The following PNOC variants were observed in gnomAD, a reference collection of about 807,000 sequenced individuals.
PNOC encodes prepronociceptin.
A neutral mutation model predicts 15.6 loss-of-function variants in PNOC; 10 were observed. The observed-to-expected ratio is 0.64, with a 90% CI of 0.40 to 1.09. PNOC has a LOEUF of 1.09. Ranked by LOEUF, PNOC falls within the 50% of genes least tolerant of loss-of-function variation. The pLI, the probability that PNOC is intolerant of heterozygous loss-of-function variation, is 0.01. For missense variants in PNOC, 220 were observed against 223.9 expected (o/e 0.98, Z 0.11); for synonymous variants, 98 against 88.5 (o/e 1.11, Z -0.60).
chr8:28,342,392 A>T (rs1261066705), intron 3 of PNOC, among the ~76,000 whole-genome samples: 1 of 150,906 alleles, frequency 6.6e-6, no homozygotes, highest in Non-Finnish European at 1.5e-5. Flanking sequence ...CTATTCAGAA[A>T]GTGTAATGAT....
intron 1 of PNOC, among the ~76,000 whole-genome samples, chr8:28,320,106 T>C (rs1462125469): frequency 3.7e-5 from 5 of 133,694 alleles, no homozygotes; most frequent in Non-Finnish European, 6.5e-5. Context: ...TTTTTTTTTT[T>C]TTTTTTTTTT....
At chr8:28,325,860 T>A (rs1284130374) in intron 1 of PNOC, among the ~76,000 whole-genome samples, 1 of 151,902 alleles carries the variant, frequency 6.6e-6, no homozygotes, top group Non-Finnish European at 1.5e-5. Context: ...GGTGACATCA[T>A]CAGATTGGAG....
chr8:28,323,506 C>G (rs757565680), intron 1 of PNOC, among the ~76,000 whole-genome samples: 3 of 152,210 alleles, frequency 2.0e-5, no homozygotes, highest in Non-Finnish European at 4.4e-5. Context: ...AATTTGCACA[C>G]AGTCCCACCG....
chr8:28,339,101 A>G lies in PNOC; in HGVS notation c.188A>G (p.Lys63Arg). 11 of 1,606,612 alleles carry G rather than the reference A, an allele frequency of 6.8e-6. No homozygotes were observed. The highest frequency in any genetic ancestry group is 9.4e-6 in the Non-Finnish European group (11 of 1,173,708). Residue 63 changes from lysine (K) to arginine (R), a missense_variant, in exon 3 of 4, where the codon AAG (lysine) becomes AGG (arginine). Coordinates refer to ENST00000301908, the MANE Select transcript of PNOC (RefSeq NM_006228.5). ...AGCCCCCTCTGGACTCCATGCACCA[A>G]GGTCATGGCCAGGAGCTCTTGGCAG... ...FPSPLWTPCTKVMARSSWQLS... is the reference protein window; with the variant it reads ...FPSPLWTPCTRVMARSSWQLS...
chr8:28,321,206 A>ATTTTTTTTTTT (rs34876674), intron 1 of PNOC, among the ~76,000 whole-genome samples: 2 of 122,792 alleles, frequency 1.6e-5, no homozygotes. Context: ...ACCTAGCTAA[A>ATTTTTTTTTTT]TTTTTTTTTT....
intron 1 of PNOC, among the ~76,000 whole-genome samples, chr8:28,327,570 C>CTT (rs34916912): frequency 7.0e-6 from 1 of 143,028 alleles, no homozygotes; most frequent in Non-Finnish European, 1.5e-5. Context: ...AAATTCTTTT[C>CTT]TTTTTTTTTT....
intron 1 of PNOC, among the ~76,000 whole-genome samples, chr8:28,322,559 C>T (rs535125780): frequency 2.0e-5 from 3 of 152,310 alleles, no homozygotes; most frequent in African/African-American, 7.2e-5. Flanking sequence ...GCTCCTCAAG[C>T]CTCAATCTGC....
chr8:28,329,261 C>T lies in PNOC; in HGVS notation c.104C>T (p.Ala35Val), dbSNP rs764233620. The T allele has an allele frequency of 1.9e-6, 3 of 1,613,700 alleles. No individual in the cohort carries two copies. Among genetic ancestry groups the T allele is most frequent in the Non-Finnish European group, 2.5e-6 (3 of 1,180,038 alleles). ...ACATGCCAGGAGAAGCTCCACCCAG[C>T]CCTGGACAGCTTCGACCTGGAGGTA... is the stretch of plus-strand genomic sequence containing the variant. ...CLTCQEKLHP[A>V]LDSFDLEVCI... The change falls in exon 2 of 4, where the codon GCC (alanine) becomes GTC (valine). Residue 35 changes from alanine (A) to valine (V), a missense_variant. Transcript: ENST00000301908.
At chr8:28,325,408 C>T (rs1801208466) in intron 1 of PNOC, among the ~76,000 whole-genome samples, 1 of 152,042 alleles carries the variant, frequency 6.6e-6, no homozygotes, top group South Asian at 2.1e-4. Flanking sequence ...AATCCCAGCA[C>T]TTTGGGAGGC....
rs550903415 is a variant in PNOC, at chr8:28,338,788, G to A, written c.127-252G>A. ...TATGTTAACGTGCTGTGACACCAGA[G>A]GTAAGTTACGCTCACCTCTCTGAGC... On this transcript the variant is annotated intron_variant, in intron 2 of 3. Coordinates refer to ENST00000301908, the MANE Select transcript of PNOC (RefSeq NM_006228.5). 1.2e-3 allele frequency: 1,449 copies of A among 1,204,932 alleles called. 3 individuals are homozygous for A. Among genetic ancestry groups the A allele is most frequent in the Middle Eastern group, 6.5e-3 (20 of 3,068 alleles). 74.6% of individuals were successfully genotyped at this position (1,204,932 alleles called of 1,614,324 possible).
At chr8:28,340,029 G>A (rs534047840) in intron 3 of PNOC, 3 of 152,366 alleles carry the variant, frequency 2.0e-5, no homozygotes, top group South Asian at 4.1e-4. Context: ...TGGACAAAGA[G>A]TTCCTGTTAA....
intron 3 of PNOC, among the ~76,000 whole-genome samples, chr8:28,342,354 C>CAAAAAA (rs34315819): frequency 1.2e-5 from 1 of 85,114 alleles, no homozygotes; most frequent in African/African-American, 4.3e-5. Context: ...AACCCCATCT[C>CAAAAAA]AAAAAAAAAA....
chr8:28,320,680 C>A (rs532720427), intron 1 of PNOC, among the ~76,000 whole-genome samples: 1 of 151,936 alleles, frequency 6.6e-6, no homozygotes, highest in East Asian at 1.9e-4. Flanking sequence ...GAAACCCCGT[C>A]TCTACTAAAA....
chr8:28,321,367 T>C (rs1475618595), intron 1 of PNOC, among the ~76,000 whole-genome samples: 3 of 152,044 alleles, frequency 2.0e-5, no homozygotes, highest in Non-Finnish European at 4.4e-5. Context: ...CTATTTAAAT[T>C]ATGTTGCCAG....
Position 28,339,382 on chromosome 8 carries a change from T to G in PNOC, c.469T>G (p.Leu157Val). 1.3e-6 allele frequency: 2 copies of G among 1,588,126 alleles called. No individual in the cohort carries two copies. The highest frequency in any genetic ancestry group is 1.7e-6 in the Non-Finnish European group (2 of 1,163,562). ...GTTCAGTGAGTTTATGAGGCAATAC[T>G]TGGTCCTGAGCATGCAGTCCAGCCA... Reference protein sequence around the residue: ...KRFSEFMRQYLVLSMQSSQRR... With the variant: ...KRFSEFMRQYVVLSMQSSQRR... The change falls in exon 3 of 4, where the codon TTG becomes GTG. Residue 157 changes from leucine to valine, a missense_variant. Physicochemically the swap from Leu to Val is conservative, Grantham distance 32. Coordinates refer to ENST00000301908, the MANE Select transcript of PNOC (RefSeq NM_006228.5).
At chr8:28,333,592 G>GC (rs1253912288) in intron 2 of PNOC, among the ~76,000 whole-genome samples, 1 of 152,164 alleles carries the variant, frequency 6.6e-6, no homozygotes, top group Admixed American at 6.6e-5. Flanking sequence ...GATTTTGTTA[G>GC]CATCTAATTT....
intron 2 of PNOC, chr8:28,338,470 G>C: frequency 2.2e-6 from 1 of 454,240 alleles, no homozygotes; most frequent in Non-Finnish European, 2.9e-6. Context: ...ACAGGGTCTT[G>C]ACCCCATTTG....
At chr8:28,335,686 C>T (rs893062457) in intron 2 of PNOC, among the ~76,000 whole-genome samples, 1 of 152,060 alleles carries the variant, frequency 6.6e-6, no homozygotes, top group African/African-American at 2.4e-5. Context: ...CACCACCACG[C>T]CCAGCTTATT....
chr8:28,323,959 A>G (rs1801185592), intron 1 of PNOC, among the ~76,000 whole-genome samples: 1 of 152,210 alleles, frequency 6.6e-6, no homozygotes, highest in Admixed American at 6.5e-5. Flanking sequence ...GATTCTGTGA[A>G]TTGCAGGGGG....
Sources: allele counts gnomAD v4.1 joint callset (sites outside exome capture counted in the v4.1 genomes callset), GRCh38; gene constraint gnomAD v4.1.1; transcripts MANE v1.5; gene names NCBI Gene and HGNC (gene_info 2026-07-23, HGNC 2026-07-21).